RBFOX1: variants seen among roughly 807,000 people sequenced by gnomAD.
RBFOX1 encodes the protein RNA binding fox-1 homolog 1.
RBFOX1 carries 8 observed loss-of-function variants against 57.7 expected under a neutral mutation model. That is an observed-to-expected ratio of 0.14 (90% CI 0.08 to 0.25). The LOEUF is 0.25. RBFOX1 is among the 10% of genes least tolerant of loss of function. The pLI is 1.00. For synonymous variants in RBFOX1, 326 were observed against 222.4 expected (o/e 1.47, Z -4.15); for missense variants, 611 against 548.5 (o/e 1.11, Z -1.14).
intron 4 of RBFOX1, among the ~76,000 whole-genome samples, chr16:5,928,010 G>T (rs2058971880): frequency 1.3e-5 from 2 of 152,184 alleles, no homozygotes; most frequent in South Asian, 4.1e-4. Context: ...ATGTGTTTTA[G>T]TGATCTGTGG....
chr16:7,064,405 G>A (rs899502303), intron 4 of RBFOX1, among the ~76,000 whole-genome samples: 4 of 152,112 alleles, frequency 2.6e-5, no homozygotes, highest in African/African-American at 9.7e-5. Context: ...CTGACCTCAG[G>A]TGAGCTGCCT....
chr16:6,574,417 A>G (rs1439004660), intron 2 of RBFOX1, among the ~76,000 whole-genome samples: 1 of 131,398 alleles, frequency 7.6e-6, no homozygotes, highest in African/African-American at 2.8e-5. Flanking sequence ...TTCTGTCCGT[A>G]TCTTCTATTT....
At chr16:5,448,253 C>T (rs1229399126) in intron 1 of RBFOX1, among the ~76,000 whole-genome samples, 2 of 152,038 alleles carry the variant, frequency 1.3e-5, no homozygotes, top group African/African-American at 4.8e-5. Flanking sequence ...TTCACTAGAC[C>T]CACGTATGGG....
chr16:7,465,825 C>T (rs547616865), intron 4 of RBFOX1, among the ~76,000 whole-genome samples: 17 of 152,126 alleles, frequency 1.1e-4, no homozygotes, highest in Middle Eastern at 3.2e-3. Context: ...TTGTCTACAC[C>T]GAAGTGCTGG....
intron 1 of RBFOX1, among the ~76,000 whole-genome samples, chr16:5,299,203 G>C (rs2063747440): frequency 6.6e-6 from 1 of 151,032 alleles, no homozygotes; most frequent in African/African-American, 2.4e-5. Flanking sequence ...TTTATGCCTG[G>C]CTTTTTTTTT....
intron 3 of RBFOX1, among the ~76,000 whole-genome samples, chr16:6,684,737 C>T (rs746295176): frequency 2.0e-5 from 3 of 152,134 alleles, no homozygotes; most frequent in Non-Finnish European, 2.9e-5. Context: ...AGCCCCCTGT[C>T]GTGAATGACC....
intron 3 of RBFOX1, among the ~76,000 whole-genome samples, chr16:5,650,788 G>C (rs959821471): frequency 6.6e-6 from 1 of 152,032 alleles, no homozygotes; most frequent in African/African-American, 2.4e-5. Context: ...TTTGGGTCTT[G>C]TTAACAGACG....
At chr16:7,701,390 G>T (rs2080670381) in intron 14 of RBFOX1, among the ~76,000 whole-genome samples, 1 of 152,210 alleles carries the variant, frequency 6.6e-6, no homozygotes, top group Non-Finnish European at 1.5e-5. Context: ...TGTCTGACCA[G>T]TGGCAGCATT....
chr16:7,149,241 A>G (rs2075649669), intron 4 of RBFOX1, among the ~76,000 whole-genome samples: 1 of 151,904 alleles, frequency 6.6e-6, no homozygotes, highest in Non-Finnish European at 1.5e-5. Flanking sequence ...TGCTGTTTTG[A>G]TCTGGTGGAA....
chr16:7,696,604 GGGGACA>G (rs1441372595), intron 14 of RBFOX1, among the ~76,000 whole-genome samples: 1 of 151,714 alleles, frequency 6.6e-6, no homozygotes, highest in African/African-American at 2.4e-5. Context: ...TCTAAGCCCT[GGGGACA>G]TAGCATTAAA....
upstream of RBFOX1, among the ~76,000 whole-genome samples, chr16:6,014,096 AAAACTT>A (rs534131384): frequency 6.6e-6 from 1 of 152,362 alleles, no homozygotes; most frequent in East Asian, 1.9e-4. Context: ...CATGTACCCT[AAAACTT>A]AAAGTATAAT....
chr16:7,403,514 C>G (rs973515850), intron 4 of RBFOX1, among the ~76,000 whole-genome samples: 3 of 151,446 alleles, frequency 2.0e-5, no homozygotes, highest in Admixed American at 1.3e-4. Context: ...TTTATTTTCT[C>G]TAGCATAATG....
chr16:6,072,327 C>G (rs142327374), intron 1 of RBFOX1, among the ~76,000 whole-genome samples: 45 of 152,280 alleles, frequency 3.0e-4, no homozygotes, highest in Admixed American at 5.2e-4. Context: ...GGGGACACAG[C>G]CAAACCATAT....
intron 1 of RBFOX1, among the ~76,000 whole-genome samples, chr16:5,269,391 G>A (rs2062946816): frequency 1.3e-5 from 2 of 152,240 alleles, no homozygotes; most frequent in African/African-American, 4.8e-5. Flanking sequence ...AAAAATGAAA[G>A]CACAGGTCCA....
chr16:6,035,065 A>G (rs1228254303), intron 1 of RBFOX1, among the ~76,000 whole-genome samples: 2 of 148,656 alleles, frequency 1.3e-5, no homozygotes, highest in Non-Finnish European at 3.0e-5. Context: ...TGTCCTGTAC[A>G]CTGTAGGATG....
chr16:6,311,316 A>G lies in RBFOX1; in HGVS notation c.-126-5679A>G, dbSNP rs572039007. ...GTCTCAAAAAAAAAAAAAAAAAAAA[A>G]GAATAAAAGAACTATTGGCTTTTGG... On this transcript the variant is annotated intron_variant, in intron 1 of 15. Coordinates refer to ENST00000550418, the MANE Select transcript of RBFOX1 (RefSeq NM_018723.4). 1.7e-3 allele frequency among the ~76,000 whole-genome samples: 252 copies of G among 147,744 alleles called. 2 individuals are homozygous for G. Among genetic ancestry groups the G allele is most frequent in the African/African-American group, 5.7e-3 (229 of 40,124 alleles).
chr16:6,462,567 T>C (rs745582996), intron 2 of RBFOX1, among the ~76,000 whole-genome samples: 1 of 152,214 alleles, frequency 6.6e-6, no homozygotes, highest in Non-Finnish European at 1.5e-5. Context: ...AAATAAGCAT[T>C]GCTATAAGAA....
intron 3 of RBFOX1, among the ~76,000 whole-genome samples, chr16:7,037,425 C>G (rs933636101): frequency 1.3e-5 from 2 of 151,722 alleles, no homozygotes; most frequent in African/African-American, 4.8e-5. Flanking sequence ...TCATTTTACC[C>G]AGCCCCTATT....
intron 3 of RBFOX1, among the ~76,000 whole-genome samples, chr16:6,680,490 C>G (rs1369613321): frequency 1.3e-5 from 2 of 152,114 alleles, no homozygotes; most frequent in Non-Finnish European, 2.9e-5. Flanking sequence ...GTCTCGATCT[C>G]CTGACCTCAT....
Sources: allele counts gnomAD v4.1 joint callset (sites outside exome capture counted in the v4.1 genomes callset), GRCh38; gene constraint gnomAD v4.1.1; transcripts MANE v1.5; gene names NCBI Gene and HGNC (gene_info 2026-07-23, HGNC 2026-07-21).